The following ATP13A3 variants were observed in gnomAD, a reference collection of about 807,000 sequenced individuals.
ATP13A3 encodes polyamine-transporting ATPase 13A3.
Under a neutral mutation model 158.1 loss-of-function variants are expected in ATP13A3, and 59 were observed. That is an observed-to-expected ratio of 0.37 (90% CI 0.30 to 0.46). ATP13A3 has a LOEUF of 0.46. Among genes scored for constraint, ATP13A3 ranks in the 20% least tolerant of loss-of-function variants. ATP13A3 has a pLI of 1.00. For synonymous variants in ATP13A3, 491 were observed against 504.3 expected (o/e 0.97, Z 0.35); for missense variants, 1,166 against 1,525.2 (o/e 0.76, Z 3.92).
chr3:194,417,041 T>C (rs1169828207), intron 31 of ATP13A3, among the ~76,000 whole-genome samples: 6 of 152,200 alleles, frequency 3.9e-5, no homozygotes, highest in African/African-American at 1.4e-4. Context: ...ATACTGTTTG[T>C]GGGAAGGAAA....
rs3836225 is a variant in ATP13A3 at position 194,403,917 on chromosome 3, T to TGGGG, written c.*1998_*2001dup. On this transcript the variant is annotated 3_prime_UTR_variant, in exon 34 of 34. Coordinates refer to ENST00000645319, the MANE Select transcript of ATP13A3 (RefSeq NM_001367549.1). ...TTACTAACTCTAAATGTTAAAAAAG[T>TGGGG]GGGGGGGGGGTGTCAAAAATAGCTC... is the stretch of plus-strand genomic sequence containing the variant. 9.4e-5 allele frequency: 26 copies of TGGGG among 275,752 alleles called. No individual in the cohort carries two copies. Among genetic ancestry groups the TGGGG allele is most frequent in the Non-Finnish European group, 1.2e-4 (17 of 141,412 alleles). 17.1% of individuals were successfully genotyped at this position (275,752 alleles called of 1,614,324 possible). A position where few individuals can be genotyped will look rare whatever the true frequency, so the allele number is the denominator to read the frequency against.
intron 33 of ATP13A3, among the ~76,000 whole-genome samples, chr3:194,409,691 G>T (rs182493622): frequency 0.036 from 3,452 of 95,678 alleles, 211 homozygotes; most frequent in African/African-American, 0.19. Flanking sequence ...CTGACGTAAA[G>T]AATTTTTTTT....
chr3:194,414,760 T>A (rs888084383), intron 31 of ATP13A3, among the ~76,000 whole-genome samples: 1 of 152,116 alleles, frequency 6.6e-6, no homozygotes, highest in African/African-American at 2.4e-5. Context: ...TAAATAGTGG[T>A]ACCAAGAAAC....
At chr3:194,425,204 G>A (rs1716676046) in intron 30 of ATP13A3, 138 bp downstream of exon 30, 7 of 853,598 alleles carry the variant, frequency 8.2e-6, no homozygotes, top group Non-Finnish European at 1.2e-5. Context: ...AAAACAAAAC[G>A]GTAAACATCT....
At chr3:194,482,149 T>G (rs1720777142) in intron 2 of ATP13A3, among the ~76,000 whole-genome samples, 2 of 152,236 alleles carry the variant, frequency 1.3e-5, no homozygotes, top group African/African-American at 4.8e-5. Context: ...CCCTTCTTAC[T>G]GATTACCATA....
At chr3:194,459,629 GATTATATATAGC>G in intron 5 of ATP13A3, 88 bp from the exon 6 acceptor site, 2 of 1,131,844 alleles carry the variant, frequency 1.8e-6, no homozygotes, top group Non-Finnish European at 1.3e-6. Flanking sequence ...CTATATATAG[GATTATATATAGC>G]ATTATATATA....
chr3:194,488,111 C>T (rs1721078435), upstream of ATP13A3: 1 of 152,404 alleles, frequency 6.6e-6, no homozygotes, highest in Non-Finnish European at 1.5e-5. This position sits in a 1 kb window ranked among gnomAD's most constrained non-coding sequence, Gnocchi z 4.1. Flanking sequence ...CTGCCCGCCT[C>T]TTGGCGTGGA....
Position 194,428,825 on chromosome 3 carries a change from T to A in ATP13A3, c.2947+20A>T, listed in dbSNP as rs369279793. ...GAATTTCATACACTTTAAAAATCAA[T>A]AACAAAGCAAAATACTCACTTGTAA... is the stretch of plus-strand genomic sequence containing the variant. On this transcript the variant is annotated intron_variant, in intron 28 of 33. Transcript: ENST00000645319. 7 of 1,541,116 alleles carry A rather than the reference T, an allele frequency of 4.5e-6. No homozygotes were observed. The highest frequency in any genetic ancestry group is 6.2e-6 in the Non-Finnish European group (7 of 1,127,180).
At chr3:194,428,231 A>AAAGAAAG (rs1553797767) in intron 28 of ATP13A3, among the ~76,000 whole-genome samples, 1 of 141,792 alleles carries the variant, frequency 7.1e-6, no homozygotes, top group African/African-American at 2.8e-5. Context: ...AAAAAAAAAA[A>AAAGAAAG]AAAAAAGAAA....
intron 2 of ATP13A3, among the ~76,000 whole-genome samples, chr3:194,481,759 A>C (rs1446000988): frequency 6.6e-6 from 1 of 152,234 alleles, no homozygotes; most frequent in Non-Finnish European, 1.5e-5. Flanking sequence ...CATAATTAGG[A>C]AATTCTACTT....
At position 194,486,584 on chromosome 3, in the gene ATP13A3, G is replaced by T. The variant is rs1221603742; in HGVS notation, c.-107C>A. ...CGCTCACCGGGGCCGCTCACTGGCC[G>T]CCGCCGCGCCGCCTCCTCCGCGGCC... On this transcript the variant is annotated 5_prime_UTR_variant, in exon 1 of 34. Coordinates refer to ENST00000645319, the MANE Select transcript of ATP13A3 (RefSeq NM_001367549.1). 2.7e-5 allele frequency: 4 copies of T among 149,224 alleles called. No homozygotes were observed. The highest frequency in any genetic ancestry group is 9.8e-5 in the African/African-American group (4 of 40,874). The allele number at this position is 149,224 out of a possible 1,614,324, so 9.2% of individuals were successfully genotyped here. A position where few individuals can be genotyped will look rare whatever the true frequency, so the allele number is the denominator to read the frequency against.
At chr3:194,413,239 A>G (rs1166577687) in intron 32 of ATP13A3, among the ~76,000 whole-genome samples, 1 of 152,180 alleles carries the variant, frequency 6.6e-6, no homozygotes, top group Non-Finnish European at 1.5e-5. Context: ...GGTCACTCAA[A>G]AGCAAATACC....
chr3:194,467,469 T>G (rs547930038), intron 2 of ATP13A3, among the ~76,000 whole-genome samples: 1 of 152,242 alleles, frequency 6.6e-6, no homozygotes, highest in East Asian at 1.9e-4. Flanking sequence ...AAAACGTAGT[T>G]GTTTTTTAAA....
At position 194,453,244 on chromosome 3, in the gene ATP13A3, A is replaced by T. The variant is rs531601054; in HGVS notation, c.838+462T>A. The stretch of plus-strand genomic sequence containing the variant: ...ACAGGAGGGTAAGTTGAGCCACTGC[A>T]CTCAGGCCTGTGCAACAGTGAGACC... On this transcript the variant is annotated intron_variant, in intron 10 of 33. Coordinates refer to ENST00000645319, the MANE Select transcript of ATP13A3 (RefSeq NM_001367549.1). Among the ~76,000 whole-genome samples the T allele has an allele frequency of 2.1e-5, 3 of 144,412 alleles. No individual in the cohort carries two copies. The South Asian group carries it at 7.0e-4, about 34-fold the overall frequency. The allele number at this position is 144,412 out of a possible 152,430, so 94.7% of individuals were successfully genotyped here.
Position 194,476,000 on chromosome 3 carries a change from C to T in ATP13A3, c.-47+9794G>A, listed in dbSNP as rs148690402. ...TTAAGGAATGACACGTAGGCAGCAC[C>T]ATCTTTCAAGGAACAAAATTCATTT... On this transcript the variant is annotated intron_variant, in intron 2 of 33. Transcript: ENST00000645319. Among the ~76,000 whole-genome samples, 56 of 152,238 alleles carry T rather than the reference C, an allele frequency of 3.7e-4. 1 individual carries two copies. The highest frequency in any genetic ancestry group is 2.3e-3 in the Admixed American group (35 of 15,282).
intron 32 of ATP13A3, 110 bp from the exon 33 acceptor site, chr3:194,412,398 T>A: frequency 2.5e-6 from 2 of 798,904 alleles, no homozygotes; most frequent in Non-Finnish European, 4.1e-6. Flanking sequence ...AAAGGATATT[T>A]TGATTTTCAT....
In ATP13A3 at chr3:194,405,421, T is replaced by C. The variant is rs987168195; in HGVS notation, c.*498A>G. On this transcript the variant is annotated 3_prime_UTR_variant, in exon 34 of 34. Coordinates refer to ENST00000645319, the MANE Select transcript of ATP13A3 (RefSeq NM_001367549.1). ...TATACAGAATTCTTTGGAAGAAACA[T>C]TGGAATCAAATGAAAACAGGCTTTC... 6.4e-6 allele frequency: 1 copy of C among 156,052 alleles called. No individual in the cohort carries two copies. Among genetic ancestry groups the C allele is most frequent in the Non-Finnish European group, 1.4e-5 (1 of 70,554 alleles). The allele number at this position is 156,052 out of a possible 1,614,324, so 9.7% of individuals were successfully genotyped here.
At chr3:194,438,540 T>C (rs1306489720) in intron 17 of ATP13A3, among the ~76,000 whole-genome samples, 5 of 152,270 alleles carry the variant, frequency 3.3e-5, no homozygotes, top group Admixed American at 2.6e-4. Context: ...CACAGAGGTG[T>C]AGTTTCTGAT....
At chr3:194,407,813 T>C (rs146673022) in intron 33 of ATP13A3, among the ~76,000 whole-genome samples, 1 of 152,204 alleles carries the variant, frequency 6.6e-6, no homozygotes, top group Non-Finnish European at 1.5e-5. Flanking sequence ...ATATTTAGCA[T>C]TAAGGTACAG....
Sources: gnomAD v4.1 joint callset for allele counts (sites outside exome capture counted in the v4.1 genomes callset) on GRCh38, gnomAD v4.1.1 for gene constraint, Gnocchi (gnomAD v3.1) non-coding constraint, MANE v1.5 for transcripts, NCBI Gene and HGNC (gene_info 2026-07-23, HGNC 2026-07-21) for gene names.